DNAAF11: variants seen among roughly 807,000 people sequenced by gnomAD.
DNAAF11 encodes the protein dynein axonemal assembly factor 11, also known as leucine rich repeat containing 6.
In DNAAF11, 45 loss-of-function variants were observed where a neutral mutation model predicts 60.8. The ratio of observed to expected loss-of-function variants is 0.74; its 90% CI spans 0.58 to 0.95. DNAAF11 has a LOEUF of 0.95. Ranked by LOEUF, DNAAF11 falls within the 40% of genes least tolerant of loss-of-function variation. The pLI is 0.00. For missense variants in DNAAF11, 546 were observed against 546.2 expected, an observed-to-expected ratio of 1.00 and a Z score of 0.00; for synonymous variants, 191 against 183.5, an observed-to-expected ratio of 1.04 and a Z score of -0.33.
the DNAAF11 span, among the ~76,000 whole-genome samples, chr8:132,686,545 A>G: frequency 6.6e-6 from 1 of 152,082 alleles, no homozygotes; most frequent in Non-Finnish European, 1.5e-5. Context: ...CGGAAACTGG[A>G]TTATGCTATG....
Position 132,583,687 on chromosome 8 carries a change from G to A in DNAAF11, c.1226+7C>T. On this transcript the variant is annotated splice_region_variant and intron_variant, in intron 11 of 11. Coordinates refer to ENST00000620350, the MANE Select transcript of DNAAF11 (RefSeq NM_012472.6). ...ATACAGCTAAGGACAGTCTGGGAGG[G>A]TGGTACCTTGTATTTGTTTGTTCTC... is the stretch of plus-strand genomic sequence containing the variant. 1 of 1,610,198 alleles carries A rather than the reference G, an allele frequency of 6.2e-7. No individual in the cohort carries two copies. The highest frequency in any genetic ancestry group is 2.2e-5 in the East Asian group (1 of 44,814).
Position 132,674,126 on chromosome 8 carries a change from G to GAAGGAGGAGGAA in DNAAF11, c.10+1357_10+1358insTTCCTCCTCCTT, listed in dbSNP as rs1563725911. ...AGGAGGAGGAGCAGGAGGAGGAGGA[G>GAAGGAGGAGGAA]GAGGAGGAGAAGGAGGAGGAAGAGG... On this transcript the variant is annotated intron_variant, in intron 1 of 11. Coordinates refer to ENST00000620350, the MANE Select transcript of DNAAF11 (RefSeq NM_012472.6). Among the ~76,000 whole-genome samples, 40 of 148,668 alleles carry GAAGGAGGAGGAA rather than the reference G, an allele frequency of 2.7e-4. 2 individuals carry two copies. The highest frequency in any genetic ancestry group is 9.2e-4 in the African/African-American group (37 of 40,286).
chr8:132,617,565 G>C (rs1295812563), intron 7 of DNAAF11, among the ~76,000 whole-genome samples: 1 of 152,164 alleles, frequency 6.6e-6, no homozygotes, highest in African/African-American at 2.4e-5. Context: ...GGGTTTTCTA[G>C]ATATACAATC....
At chr8:132,627,818 T>C (rs1820424903) in intron 5 of DNAAF11, among the ~76,000 whole-genome samples, 1 of 152,138 alleles carries the variant, frequency 6.6e-6, no homozygotes, top group African/African-American at 2.4e-5. Context: ...TGAACATGCT[T>C]ATATGACCAC....
At chr8:132,588,089 C>A (rs1385120295) in intron 10 of DNAAF11, among the ~76,000 whole-genome samples, 1 of 152,138 alleles carries the variant, frequency 6.6e-6, no homozygotes, top group African/African-American at 2.4e-5. Context: ...AGCTCTGAAT[C>A]CTTATACTTT....
chr8:132,600,422 A>G (rs1484605311), intron 10 of DNAAF11, among the ~76,000 whole-genome samples: 2 of 152,162 alleles, frequency 1.3e-5, no homozygotes, highest in African/African-American at 4.8e-5. Context: ...GAAAAAAACT[A>G]CTTTAAAGTT....
chr8:132,621,186 G>A (rs1388097138), intron 7 of DNAAF11, among the ~76,000 whole-genome samples: 1 of 152,158 alleles, frequency 6.6e-6, no homozygotes, highest in Non-Finnish European at 1.5e-5. Flanking sequence ...CTGCCCCTGT[G>A]GTGTATGTGG....
intron 3 of DNAAF11, among the ~76,000 whole-genome samples, chr8:132,651,732 C>A (rs982344913): frequency 6.6e-6 from 1 of 152,160 alleles, no homozygotes; most frequent in African/African-American, 2.4e-5. Flanking sequence ...GACAACCCAG[C>A]CAAGAGTCCC....
At chr8:132,652,790 G>A (rs11784684) in intron 3 of DNAAF11, among the ~76,000 whole-genome samples, 33,129 of 151,970 alleles carry the variant, frequency 0.22, 4,020 homozygotes, top group East Asian at 0.35. Flanking sequence ...AGGGCCTGTC[G>A]GGGGTTGGGG....
At chr8:132,675,602 T>G (rs550216271), upstream of DNAAF11, 2 of 1,207,742 alleles carry the variant, frequency 1.7e-6, no homozygotes, top group East Asian at 2.8e-5. Flanking sequence ...TCAGGAGCCA[T>G]GGCAACGGGG....
chr8:132,572,335 C>T lies in DNAAF11; in HGVS notation c.1372G>A (p.Asp458Asn), dbSNP rs760235341. 1.9e-6 allele frequency: 3 copies of T among 1,613,618 alleles called. No individual in the cohort carries two copies. Among genetic ancestry groups the T allele is most frequent in the Non-Finnish European group, 2.5e-6 (3 of 1,179,830 alleles). The part of the protein sequence containing the change: ...IPSEEDPTFE[D>N]NPEVPPLI ...ATCAGCGGAGGCACTTCAGGGTTGT[C>T]TTCAAAGGTTGGGTCTTCCTCACTT... is the stretch of plus-strand genomic sequence containing the variant. Residue 458 changes from aspartate to asparagine, a missense_variant, in exon 12 of 12, where the codon GAC (aspartate) becomes AAC (asparagine). Physicochemically the swap from Asp to Asn is conservative, Grantham distance 23. Transcript: ENST00000620350.
intron 10 of DNAAF11, among the ~76,000 whole-genome samples, chr8:132,604,487 A>G (rs188303853): frequency 5.6e-4 from 86 of 152,284 alleles, no homozygotes; most frequent in Admixed American, 1.6e-3. Flanking sequence ...CCCAAAGGAA[A>G]TCATGAAGCA....
At chr8:132,658,415 C>T (rs922154582) in intron 2 of DNAAF11, among the ~76,000 whole-genome samples, 5 of 152,086 alleles carry the variant, frequency 3.3e-5, no homozygotes, top group Non-Finnish European at 2.9e-5. Context: ...CTCCGCCTCC[C>T]GGGTTCACAC....
At chr8:132,650,142 G>A (rs997173685) in intron 3 of DNAAF11, among the ~76,000 whole-genome samples, 1 of 152,196 alleles carries the variant, frequency 6.6e-6, no homozygotes, top group African/African-American at 2.4e-5. Flanking sequence ...TGATAGACTG[G>A]ATTAAGAAAA....
At chr8:132,644,659 T>A (rs1451917506) in intron 3 of DNAAF11, among the ~76,000 whole-genome samples, 1 of 152,132 alleles carries the variant, frequency 6.6e-6, no homozygotes, top group African/African-American at 2.4e-5. Flanking sequence ...CCAACAGTCT[T>A]AGCAAACAGC....
intron 7 of DNAAF11, among the ~76,000 whole-genome samples, chr8:132,616,837 T>C (rs765194232): frequency 4.0e-5 from 6 of 151,714 alleles, no homozygotes; most frequent in Non-Finnish European, 7.4e-5. Flanking sequence ...CAAGGGAGAG[T>C]GAGCAAAACA....
chr8:132,601,306 C>G (rs1168019631), intron 10 of DNAAF11, among the ~76,000 whole-genome samples: 1 of 152,090 alleles, frequency 6.6e-6, no homozygotes, highest in African/African-American at 2.4e-5. Flanking sequence ...GAAACAGGAA[C>G]ACTTTTACAC....
the DNAAF11 span, among the ~76,000 whole-genome samples, chr8:132,683,384 C>G: frequency 6.1e-3 from 936 of 152,282 alleles, 15 homozygotes; most frequent in African/African-American, 0.022. Flanking sequence ...CTCCCTTTGG[C>G]CCCCTCTGAG....
intron 5 of DNAAF11, among the ~76,000 whole-genome samples, chr8:132,630,406 T>C (rs933604172): frequency 2.6e-5 from 4 of 152,264 alleles, no homozygotes; most frequent in South Asian, 2.1e-4. Context: ...TAGCTACCCA[T>C]ATGAAAAACA....
Sources: gnomAD v4.1 joint callset for allele counts (sites outside exome capture counted in the v4.1 genomes callset) on GRCh38, gnomAD v4.1.1 for gene constraint, MANE v1.5 for transcripts, NCBI Gene and HGNC (gene_info 2026-07-23, HGNC 2026-07-21) for gene names.